The following NCALD variants were observed in gnomAD, a reference collection of about 807,000 sequenced individuals.
NCALD encodes neurocalcin-delta.
In NCALD, 10 loss-of-function variants were observed where a neutral mutation model predicts 18.6. That is an observed-to-expected ratio of 0.54 (90% CI 0.33 to 0.91). NCALD has a LOEUF of 0.91. Ranked by LOEUF, NCALD falls within the 40% of genes least tolerant of loss-of-function variation. NCALD has a pLI of 0.03. For synonymous variants in NCALD, 88 were observed against 87.4 expected (o/e 1.01, Z -0.04); for missense variants, 184 against 247.6 (o/e 0.74, Z 1.72).
chr8:101,871,400 C>T (rs1202508522), intron 4 of NCALD, among the ~76,000 whole-genome samples: 1 of 152,118 alleles, frequency 6.6e-6, no homozygotes, highest in African/African-American at 2.4e-5. Flanking sequence ...TACCTCCCTC[C>T]TCCTAATCAA....
intron 1 of NCALD, among the ~76,000 whole-genome samples, chr8:102,116,279 CAAACAA>C (rs935322470): frequency 8.8e-6 from 1 of 113,470 alleles, no homozygotes; most frequent in African/African-American, 3.1e-5. Context: ...AAAACAAAAA[CAAACAA>C]AAACAAAAAC....
chr8:101,845,696 C>G (rs58196146), intron 4 of NCALD, among the ~76,000 whole-genome samples: 2,020 of 152,258 alleles, frequency 0.013, 45 homozygotes, highest in African/African-American at 0.042. Context: ...ATCTTCTCTT[C>G]TAGCTATTTT....
intron 1 of NCALD, among the ~76,000 whole-genome samples, chr8:102,103,355 A>C (rs1191141790): frequency 6.6e-6 from 1 of 152,088 alleles, no homozygotes; most frequent in Admixed American, 6.6e-5. Context: ...CCTAACACCC[A>C]ATTCTCTCTT....
chr8:101,892,226 C>A (rs1451288349), intron 3 of NCALD, among the ~76,000 whole-genome samples: 2 of 149,194 alleles, frequency 1.3e-5, no homozygotes, highest in Non-Finnish European at 3.0e-5. Context: ...AGCAGCCGAA[C>A]TGGGAGGCAC....
chr8:102,048,445 TGACC>T (rs1252228264), intron 1 of NCALD, among the ~76,000 whole-genome samples: 1 of 152,188 alleles, frequency 6.6e-6, no homozygotes, highest in Non-Finnish European at 1.5e-5. Flanking sequence ...CTGCTGCTGC[TGACC>T]ACTCAGAGAC....
intron 2 of NCALD, among the ~76,000 whole-genome samples, chr8:101,990,710 C>T (rs911140850): frequency 6.6e-6 from 1 of 152,140 alleles, no homozygotes; most frequent in Non-Finnish European, 1.5e-5. Context: ...ACTGTGAGTC[C>T]ATTAAAGCTA....
chr8:101,840,443 C>A lies in NCALD; in HGVS notation c.-20+46698G>T, dbSNP rs1026030277. On this transcript the variant is annotated intron_variant, in intron 4 of 6. Coordinates refer to the NCALD transcript ENST00000311028. ...AACAGAAAATGCTTTGCAGTTTAAGCTACCTATGTGTTTTTTACTATATCA... is the reference window on the plus strand; with the variant it reads ...AACAGAAAATGCTTTGCAGTTTAAGATACCTATGTGTTTTTTACTATATCA... Among the ~76,000 whole-genome samples, 10 of 151,724 alleles carry A rather than the reference C, an allele frequency of 6.6e-5. No individual in the cohort carries two copies. The East Asian group carries it at 1.9e-3, about 29-fold the overall frequency.
At position 101,974,697 on chromosome 8, in the gene NCALD, T is replaced by A. The variant is rs181716410; in HGVS notation, c.-157+45540A>T. The stretch of plus-strand genomic sequence containing the variant: ...AATGAAACTTTCTGCAATTTTTGTG[T>A]GTGTTCAAAACAGCAATAAAAGATA... On this transcript the variant is annotated intron_variant, in intron 2 of 6. Coordinates refer to the NCALD transcript ENST00000311028. Among the ~76,000 whole-genome samples the A allele has an allele frequency of 2.0e-5, 3 of 152,336 alleles. No homozygotes were observed. In the East Asian group the frequency reaches 5.8e-4, roughly 29 times the overall value.
intron 3 of NCALD, among the ~76,000 whole-genome samples, chr8:101,910,873 C>T (rs1197638356): frequency 6.6e-6 from 1 of 152,148 alleles, no homozygotes. Flanking sequence ...CTGAGAAATC[C>T]TAAGACTTTC....
intron 2 of NCALD, among the ~76,000 whole-genome samples, chr8:101,706,133 T>C (rs1815508455): frequency 6.6e-6 from 1 of 151,964 alleles, no homozygotes. Context: ...TATCTAAAAG[T>C]GAAGAGTACC....
intron 1 of NCALD, among the ~76,000 whole-genome samples, chr8:101,765,215 T>C (rs1346633804): frequency 2.0e-5 from 3 of 152,224 alleles, no homozygotes; most frequent in African/African-American, 4.8e-5. Context: ...AACAGTAGCA[T>C]GCAAATTCTA....
At chr8:101,745,233 T>C (rs1810378406) in intron 1 of NCALD, among the ~76,000 whole-genome samples, 2 of 152,148 alleles carry the variant, frequency 1.3e-5, no homozygotes, top group Admixed American at 6.5e-5. Flanking sequence ...ACTTTACCAT[T>C]TTAGCCTGTC....
At chr8:101,875,080 T>C (rs182391836) in intron 4 of NCALD, among the ~76,000 whole-genome samples, 57 of 152,356 alleles carry the variant, frequency 3.7e-4, no homozygotes, top group Non-Finnish European at 5.0e-4. Context: ...GAGTTTGCTA[T>C]GTGCCGGGAA....
chr8:101,759,145 G>A lies in NCALD; in HGVS notation c.-20+31717C>T, dbSNP rs370457895. On this transcript the variant is annotated intron_variant, in intron 1 of 3. Coordinates refer to ENST00000220931, the MANE Select transcript of NCALD (RefSeq NM_032041.3). ...TTTCAATAACAGCATTGCTTAATCC[G>A]AAATGCTTTTTGGAAGACAAAGAAG... is the stretch of plus-strand genomic sequence containing the variant. Among the ~76,000 whole-genome samples, 14 of 152,298 alleles carry A rather than the reference G, an allele frequency of 9.2e-5. No homozygotes were observed. The East Asian group carries it at 9.7e-4, about 11-fold the overall frequency.
At chr8:101,800,719 G>T in intron 4 of NCALD, among the ~76,000 whole-genome samples, 1 of 150,828 alleles carries the variant, frequency 6.6e-6, no homozygotes, top group East Asian at 1.9e-4. Flanking sequence ...GACAAAGCTG[G>T]TGTAGCAATA....
At chr8:101,880,548 C>T (rs1816450806) in intron 4 of NCALD, among the ~76,000 whole-genome samples, 1 of 152,218 alleles carries the variant, frequency 6.6e-6, no homozygotes, top group South Asian at 2.1e-4. Context: ...GCTGTGAGGG[C>T]TGCCAGCACG....
intron 1 of NCALD, among the ~76,000 whole-genome samples, chr8:102,074,112 C>A (rs1253460645): frequency 6.6e-6 from 1 of 152,118 alleles, no homozygotes; most frequent in African/African-American, 2.4e-5. Flanking sequence ...CGGTACAAGG[C>A]GAGAAGACAT....
chr8:102,055,265 AAG>A (rs1491333431), intron 1 of NCALD, among the ~76,000 whole-genome samples: 2,440 of 144,388 alleles, frequency 0.017, 81 homozygotes, highest in African/African-American at 0.056. Flanking sequence ...AAAAAAAAAA[AAG>A]AAGAAGAAGC....
chr8:101,805,149 A>G (rs552532090), intron 4 of NCALD, among the ~76,000 whole-genome samples: 2 of 152,328 alleles, frequency 1.3e-5, no homozygotes, highest in East Asian at 3.9e-4. Context: ...GACAATGCAG[A>G]AACATTCATT....
Sources: gnomAD v4.1 joint callset for allele counts (sites outside exome capture counted in the v4.1 genomes callset) on GRCh38, gnomAD v4.1.1 for gene constraint, MANE v1.5 for transcripts, NCBI Gene and HGNC (gene_info 2026-07-23, HGNC 2026-07-21) for gene names.